BBOX1: variants seen among roughly 807,000 people sequenced by gnomAD.
BBOX1 encodes the protein gamma-butyrobetaine hydroxylase 1.
A neutral mutation model predicts 41.6 loss-of-function variants in BBOX1; 35 were observed. The observed-to-expected ratio is 0.84, with a 90% CI of 0.64 to 1.11. The LOEUF is 1.11. BBOX1 is among the 50% of genes most tolerant of loss of function. The pLI is 0.00. For missense variants in BBOX1, 458 were observed against 460.6 expected, an observed-to-expected ratio of 0.99 and a Z score of 0.05; for synonymous variants, 163 against 154.7, an observed-to-expected ratio of 1.05 and a Z score of -0.40.
At chr11:27,093,406 A>C in intron 5 of BBOX1, 40 bp downstream of exon 5, 2 of 1,600,308 alleles carry the variant, frequency 1.2e-6, no homozygotes, top group Non-Finnish European at 1.7e-6. Flanking sequence ...ATCACAGATA[A>C]GGTTTGAAAT....
chr11:27,062,712 G>A (rs971045772), intron 4 of BBOX1, among the ~76,000 whole-genome samples: 13 of 151,860 alleles, frequency 8.6e-5, no homozygotes, highest in African/African-American at 2.4e-4. Context: ...AAGGACTACC[G>A]GCATCACACC....
intron 2 of BBOX1, among the ~76,000 whole-genome samples, chr11:27,048,572 T>C (rs1385508745): frequency 1.3e-5 from 2 of 151,596 alleles, no homozygotes; most frequent in African/African-American, 2.4e-5. Context: ...TAGATATGGG[T>C]TTGATATATA....
chr11:27,075,871 G>A (rs1358355252), intron 4 of BBOX1, among the ~76,000 whole-genome samples: 1 of 152,112 alleles, frequency 6.6e-6, no homozygotes, highest in Non-Finnish European at 1.5e-5. Flanking sequence ...TTGGCAGGAG[G>A]GAAAAGAATT....
At chr11:27,090,894 C>A (rs975592037) in intron 4 of BBOX1, among the ~76,000 whole-genome samples, 3 of 151,914 alleles carry the variant, frequency 2.0e-5, no homozygotes, top group Non-Finnish European at 2.9e-5. Context: ...CCTACTTGCA[C>A]GTCCATTTAT....
Position 27,048,200 on chromosome 11 carries a change from G to A in BBOX1, c.-39+6722G>A, listed in dbSNP as rs557658648. ...AACTATAGTCACTATATTGTACATC[G>A]GATCTCCAGAATTTATTTATCCTGA... On this transcript the variant is annotated intron_variant, in intron 2 of 8. Transcript: ENST00000263182. 3.9e-5 allele frequency among the ~76,000 whole-genome samples: 6 copies of A among 152,028 alleles called. No individual in the cohort carries two copies. The South Asian group carries it at 1.2e-3, about 32-fold the overall frequency.
At chr11:27,110,519 AC>A (rs1859021666) in intron 5 of BBOX1, among the ~76,000 whole-genome samples, 1 of 151,696 alleles carries the variant, frequency 6.6e-6, no homozygotes, top group Admixed American at 6.6e-5. Context: ...CACTAAACAT[AC>A]TCCGAACTCA....
intron 5 of BBOX1, 21 bp from the exon 6 acceptor site, chr11:27,115,431 T>C (rs898064900): frequency 1.3e-6 from 2 of 1,591,328 alleles, no homozygotes; most frequent in South Asian, 1.1e-5. Context: ...TGTTTAAACA[T>C]GTGTTTCTTG....
At chr11:27,055,329 A>G in intron 2 of BBOX1, 64 bp from the exon 3 acceptor site, 1 of 1,175,350 alleles carries the variant, frequency 8.5e-7, no homozygotes, top group Non-Finnish European at 1.2e-6. Flanking sequence ...AAGTGTTCAC[A>G]CTCTCAGAGG....
At chr11:27,086,496 T>C (rs1477397093) in intron 4 of BBOX1, among the ~76,000 whole-genome samples, 1 of 152,146 alleles carries the variant, frequency 6.6e-6, no homozygotes, top group Non-Finnish European at 1.5e-5. Flanking sequence ...ATTTGTTCAA[T>C]AGCTGTTGAG....
chr11:27,061,167 C>A (rs890048073), intron 4 of BBOX1, among the ~76,000 whole-genome samples: 2 of 152,034 alleles, frequency 1.3e-5, no homozygotes, highest in African/African-American at 4.8e-5. Flanking sequence ...ACAGCTTAAG[C>A]TTTTAAGCAT....
intron 4 of BBOX1, among the ~76,000 whole-genome samples, chr11:27,060,414 T>A (rs1857103248): frequency 6.6e-6 from 1 of 152,150 alleles, no homozygotes; most frequent in African/African-American, 2.4e-5. Context: ...AGAACAGTGA[T>A]CCAATTAAAT....
chr11:27,115,508 G>T lies in BBOX1; in HGVS notation c.590G>T (p.Gly197Val), dbSNP rs866546695. 1 of 1,611,144 alleles carries T rather than the reference G, an allele frequency of 6.2e-7. No individual in the cohort carries two copies. Among genetic ancestry groups the T allele is most frequent in the East Asian group, 2.2e-5 (1 of 44,772 alleles). The change falls in exon 6 of 9, where the codon GGG (glycine) becomes GTG (valine). Residue 197 changes from glycine (G) to valine (V), a missense_variant. Gly to Val is a moderately radical substitution (Grantham distance 109, BLOSUM62 -3). Coordinates refer to ENST00000263182, the MANE Select transcript of BBOX1 (RefSeq NM_003986.3). ...GCAAACAATGTGGCTTACACAACTG[G>T]GAAGCTAAGCTTTCACACTGATTAT... ...IDANNVAYTTGKLSFHTDYPA... is the reference protein window; with the variant it reads ...IDANNVAYTTVKLSFHTDYPA...
At chr11:27,052,080 A>G (rs1265175525) in intron 2 of BBOX1, among the ~76,000 whole-genome samples, 1 of 151,794 alleles carries the variant, frequency 6.6e-6, no homozygotes, top group East Asian at 1.9e-4. Context: ...TAATTTTCAC[A>G]TATTTGTGAA....
chr11:27,090,186 G>A (rs548078276), intron 4 of BBOX1, among the ~76,000 whole-genome samples: 28 of 152,006 alleles, frequency 1.8e-4, no homozygotes, highest in African/African-American at 5.1e-4. Flanking sequence ...ACAAGGGATC[G>A]GAAAATTGAA....
intron 4 of BBOX1, among the ~76,000 whole-genome samples, chr11:27,080,601 C>A (rs1590195374): frequency 6.6e-6 from 1 of 152,120 alleles, no homozygotes; most frequent in South Asian, 2.1e-4. Flanking sequence ...AATAAATGTA[C>A]AAATATACCT....
chr11:27,051,570 T>C (rs1026723011), intron 2 of BBOX1, among the ~76,000 whole-genome samples: 2 of 152,082 alleles, frequency 1.3e-5, no homozygotes, highest in African/African-American at 4.8e-5. Flanking sequence ...TTTCTAGGAA[T>C]GAATTCATTT....
At chr11:27,114,099 T>C (rs1462246461) in intron 5 of BBOX1, among the ~76,000 whole-genome samples, 2 of 151,860 alleles carry the variant, frequency 1.3e-5, no homozygotes, top group Non-Finnish European at 2.9e-5. Context: ...GTTGTCTTTA[T>C]AAACAGTAGC....
intron 5 of BBOX1, among the ~76,000 whole-genome samples, chr11:27,099,394 A>G (rs1858562154): frequency 6.6e-6 from 1 of 152,088 alleles, no homozygotes; most frequent in South Asian, 2.1e-4. Context: ...AACTTCAGGG[A>G]ATGAAATAAA....
At chr11:27,048,281 G>A (rs1851553292) in intron 2 of BBOX1, among the ~76,000 whole-genome samples, 1 of 151,978 alleles carries the variant, frequency 6.6e-6, no homozygotes, top group South Asian at 2.1e-4. Context: ...CCAGGCCCTG[G>A]CACCCACTGT....
Sources: allele counts gnomAD v4.1 joint callset (sites outside exome capture counted in the v4.1 genomes callset), GRCh38; gene constraint gnomAD v4.1.1; transcripts MANE v1.5; gene names NCBI Gene and HGNC (gene_info 2026-07-23, HGNC 2026-07-21).